The following SLC24A3 variants were observed in gnomAD, a reference collection of about 807,000 sequenced individuals.
The protein encoded by SLC24A3 is sodium/potassium/calcium exchanger 3.
SLC24A3 carries 28 observed loss-of-function variants against 75.8 expected under a neutral mutation model. The observed-to-expected ratio is 0.37, with a 90% CI of 0.27 to 0.51. The LOEUF (loss-of-function observed/expected upper bound fraction) is 0.51, where lower values mean the gene tolerates loss of function less well. SLC24A3 is among the 20% of genes least tolerant of loss of function. The probability of loss-of-function intolerance (pLI) is 0.94; values close to 1 mark genes in which losing one functional copy is unlikely to be tolerated. For missense variants in SLC24A3, 663 were observed against 847.8 expected, an observed-to-expected ratio of 0.78 and a Z score of 2.71; for synonymous variants, 372 against 334.1, an observed-to-expected ratio of 1.11 and a Z score of -1.24.
At chr20:19,473,617 G>A (rs1987911438) in intron 2 of SLC24A3, among the ~76,000 whole-genome samples, 1 of 152,256 alleles carries the variant, frequency 6.6e-6, no homozygotes, top group Non-Finnish European at 1.5e-5. Flanking sequence ...GCCAGGATCT[G>A]AACCCCGGAA....
At position 19,576,431 on chromosome 20, in the gene SLC24A3, G is replaced by A. The variant is rs576461631; in HGVS notation, c.349-3569G>A. On this transcript the variant is annotated intron_variant, in intron 3 of 16. Transcript: ENST00000328041. ...ACCTGTTTTCCAGTGAGTAACATGA[G>A]AGAGACTTAGAGCAGAGTGTTTTGT... Among the ~76,000 whole-genome samples the A allele has an allele frequency of 6.6e-5, 10 of 152,250 alleles. No individual in the cohort carries two copies. The South Asian group carries it at 2.1e-3, about 32-fold the overall frequency.
At chr20:19,644,977 G>C (rs980876668) in intron 6 of SLC24A3, among the ~76,000 whole-genome samples, 5 of 152,226 alleles carry the variant, frequency 3.3e-5, no homozygotes, top group African/African-American at 1.2e-4. Context: ...AGCCACATGA[G>C]CTGTATCTGT....
At chr20:19,329,373 GA>G (rs1984943648) in intron 2 of SLC24A3, among the ~76,000 whole-genome samples, 1 of 152,088 alleles carries the variant, frequency 6.6e-6, no homozygotes. Flanking sequence ...TAACTGATCT[GA>G]ATCCATTTCT....
Position 19,360,680 on chromosome 20 carries a change from T to A in SLC24A3, c.271+79593T>A, listed in dbSNP as rs147412118. 5.4e-3 allele frequency among the ~76,000 whole-genome samples: 818 copies of A among 152,384 alleles called. 9 individuals are homozygous for A. The highest frequency in any genetic ancestry group is 0.019 in the African/African-American group (792 of 41,600). ...ACATAACAACATGCAAATGTTTTGATGTCTCAACATGTGATTGTCAACATC... is the reference window on the plus strand; with the variant it reads ...ACATAACAACATGCAAATGTTTTGAAGTCTCAACATGTGATTGTCAACATC... On this transcript the variant is annotated intron_variant, in intron 2 of 16. Coordinates refer to ENST00000328041, the MANE Select transcript of SLC24A3 (RefSeq NM_020689.4).
chr20:19,351,918 G>T (rs953864348), intron 2 of SLC24A3, among the ~76,000 whole-genome samples: 2 of 152,096 alleles, frequency 1.3e-5, no homozygotes, highest in Admixed American at 6.5e-5. Context: ...GAAGGAAATG[G>T]TGCCCCTCAA....
At position 19,212,674 on chromosome 20, in the gene SLC24A3, G is replaced by A. The variant is rs1054530605; in HGVS notation, c.-169G>A. On this transcript the variant is annotated 5_prime_UTR_variant, in exon 1 of 17. Coordinates refer to ENST00000328041, the MANE Select transcript of SLC24A3 (RefSeq NM_020689.4). ...ACGAGGAGGGCGACGACGAGGAGAC[G>A]GGCAGCGGCGAGGAGGAGGAAGAGG... 6.4e-5 allele frequency: 20 copies of A among 314,836 alleles called. No homozygotes were observed. The highest frequency in any genetic ancestry group is 8.7e-5 in the Non-Finnish European group (19 of 218,586). The allele number at this position is 314,836 out of a possible 1,614,324, so 19.5% of individuals were successfully genotyped here. A position where few individuals can be genotyped will look rare whatever the true frequency, so the allele number is the denominator to read the frequency against.
At chr20:19,256,853 C>T (rs1295514587) in intron 1 of SLC24A3, among the ~76,000 whole-genome samples, 1 of 150,110 alleles carries the variant, frequency 6.7e-6, no homozygotes, top group Non-Finnish European at 1.5e-5. Context: ...ATAATTATTA[C>T]ATGTTGAAAT....
intron 1 of SLC24A3, among the ~76,000 whole-genome samples, chr20:19,252,318 G>A (rs548377801): frequency 5.4e-4 from 82 of 152,346 alleles, no homozygotes; most frequent in Non-Finnish European, 9.6e-4. Context: ...AGAAGGGGCA[G>A]ATAGGAGGCA....
intron 6 of SLC24A3, among the ~76,000 whole-genome samples, chr20:19,613,349 G>A (rs1216409031): frequency 6.6e-6 from 1 of 152,184 alleles, no homozygotes; most frequent in East Asian, 1.9e-4. Flanking sequence ...AATGATGGCT[G>A]AACAAACACC....
Position 19,440,767 on chromosome 20 carries a change from C to T in SLC24A3, c.272-74721C>T, listed in dbSNP as rs192627128. Reference sequence around the variant, plus strand: ...AAGTGTGTCAGCAGAGGAAGAAGAACGATGAGAGTGTCCAGGGTTCTGCCA... The same window carrying T: ...AAGTGTGTCAGCAGAGGAAGAAGAATGATGAGAGTGTCCAGGGTTCTGCCA... On this transcript the variant is annotated intron_variant, in intron 2 of 16. Coordinates refer to ENST00000328041, the MANE Select transcript of SLC24A3 (RefSeq NM_020689.4). 3.4e-4 allele frequency among the ~76,000 whole-genome samples: 51 copies of T among 150,052 alleles called. 1 individual carries two copies. In the East Asian group the frequency reaches 9.0e-3, roughly 27 times the overall value.
chr20:19,557,098 A>G (rs1274290297), intron 3 of SLC24A3, among the ~76,000 whole-genome samples: 3 of 152,036 alleles, frequency 2.0e-5, no homozygotes, highest in African/African-American at 7.3e-5. Context: ...CAGCTCATGC[A>G]CTCAGCAGGG....
chr20:19,455,863 G>A (rs1233424490), intron 2 of SLC24A3, among the ~76,000 whole-genome samples: 1 of 152,192 alleles, frequency 6.6e-6, no homozygotes, highest in Non-Finnish European at 1.5e-5. Context: ...TTGGTTGAGA[G>A]GCTAAAATTA....
chr20:19,430,583 G>T (rs988578692), intron 2 of SLC24A3, among the ~76,000 whole-genome samples: 1 of 152,094 alleles, frequency 6.6e-6, no homozygotes, highest in Non-Finnish European at 1.5e-5. Context: ...TGCTAATGGG[G>T]AAAATAGTGC....
chr20:19,496,160 C>T (rs1348953415), intron 2 of SLC24A3, among the ~76,000 whole-genome samples: 1 of 152,176 alleles, frequency 6.6e-6, no homozygotes, highest in Admixed American at 6.5e-5. Context: ...GTTTCTGTGG[C>T]TTCTGCACTT....
intron 2 of SLC24A3, among the ~76,000 whole-genome samples, chr20:19,425,640 G>A (rs1027331398): frequency 2.6e-5 from 4 of 152,080 alleles, no homozygotes. Flanking sequence ...CCATTTTAAA[G>A]ATATATCTTA....
chr20:19,714,057 C>T (rs1311890161), intron 15 of SLC24A3, among the ~76,000 whole-genome samples: 1 of 152,166 alleles, frequency 6.6e-6, no homozygotes, highest in Non-Finnish European at 1.5e-5. Flanking sequence ...TGAAAATAGC[C>T]ATTGATGATA....
intron 6 of SLC24A3, among the ~76,000 whole-genome samples, chr20:19,651,036 C>A (rs1434787509): frequency 1.3e-5 from 2 of 152,098 alleles, no homozygotes; most frequent in Non-Finnish European, 2.9e-5. Context: ...TCTAAATTCT[C>A]CCTTCACTGT....
In SLC24A3 at chr20:19,584,194, G is replaced by A. The variant is rs571434894; in HGVS notation, c.424-777G>A. 1.4e-3 allele frequency among the ~76,000 whole-genome samples: 217 copies of A among 151,708 alleles called. 1 individual carries two copies. Among genetic ancestry groups the A allele is most frequent in the African/African-American group, 4.9e-3 (204 of 41,430 alleles). On this transcript the variant is annotated intron_variant, in intron 4 of 16. Transcript: ENST00000328041. ...TTGTCTTCTTGTAAATCACCTTTTG[G>A]TTTAACAAACAGAGTAACCTGGAGA...
chr20:19,266,621 A>G (rs1454921453), intron 1 of SLC24A3, among the ~76,000 whole-genome samples: 2 of 152,258 alleles, frequency 1.3e-5, no homozygotes, highest in Admixed American at 6.5e-5. Flanking sequence ...TTGAGAAGCC[A>G]AGTGATGTAG....
Sources: gnomAD v4.1 joint callset for allele counts (sites outside exome capture counted in the v4.1 genomes callset) on GRCh38, gnomAD v4.1.1 for gene constraint, MANE v1.5 for transcripts, NCBI Gene and HGNC (gene_info 2026-07-23, HGNC 2026-07-21) for gene names.